The following PCDH15 variants were observed in gnomAD, a reference collection of about 807,000 sequenced individuals.
PCDH15 encodes the protein protocadherin related 15, also known as protocadherin-15.
A neutral mutation model predicts 178.5 loss-of-function variants in PCDH15; 129 were observed. That is an observed-to-expected ratio of 0.72 (90% CI 0.63 to 0.84). The LOEUF is 0.84. Ranked by LOEUF, PCDH15 falls within the 40% of genes least tolerant of loss-of-function variation. The pLI, the probability that PCDH15 is intolerant of heterozygous loss-of-function variation, is 0.00. For synonymous variants in PCDH15, 800 were observed against 732.0 expected (o/e 1.09, Z -1.50); for missense variants, 2,230 against 2,099.9 (o/e 1.06, Z -1.21).
chr10:54,824,227 T>C (rs1417844360), intron 3 of PCDH15, among the ~76,000 whole-genome samples: 2 of 152,236 alleles, frequency 1.3e-5, no homozygotes, highest in African/African-American at 2.4e-5. Flanking sequence ...GATTTAAACA[T>C]GTGTATAATA....
chr10:53,848,487 A>G (rs548323314), intron 28 of PCDH15, among the ~76,000 whole-genome samples: 59 of 152,086 alleles, frequency 3.9e-4, no homozygotes, highest in Non-Finnish European at 6.5e-4. Context: ...AGATTATAAT[A>G]CAAGTTAAGA....
At chr10:55,513,554 G>A (rs1375921791) in intron 2 of PCDH15, among the ~76,000 whole-genome samples, 1 of 151,878 alleles carries the variant, frequency 6.6e-6, no homozygotes, top group Non-Finnish European at 1.5e-5. Flanking sequence ...GGATAATGTT[G>A]GAACAATGTA....
chr10:54,377,275 T>C (rs1253606116), intron 4 of PCDH15, among the ~76,000 whole-genome samples: 1 of 152,134 alleles, frequency 6.6e-6, no homozygotes, highest in African/African-American at 2.4e-5. Flanking sequence ...CATAAGCATA[T>C]ATTATTTTAC....
intron 9 of PCDH15, among the ~76,000 whole-genome samples, chr10:54,235,879 CT>C (rs764984939): frequency 5.1e-4 from 77 of 152,238 alleles, no homozygotes; most frequent in Non-Finnish European, 4.7e-4. Context: ...ATATAAAAGT[CT>C]GAGCTCTGCT....
intron 2 of PCDH15, among the ~76,000 whole-genome samples, chr10:54,561,173 G>C (rs1312503861): frequency 6.6e-6 from 1 of 152,030 alleles, no homozygotes; most frequent in African/African-American, 2.4e-5. Context: ...TGCCTGTTAC[G>C]ACACATCCCC....
chr10:53,985,025 T>A (rs1300526140), intron 21 of PCDH15, among the ~76,000 whole-genome samples: 1 of 152,218 alleles, frequency 6.6e-6, no homozygotes, highest in Admixed American at 6.5e-5. Flanking sequence ...TGGTTAGCCA[T>A]GCGTCCCTGC....
chr10:53,911,355 G>C (rs748347571), intron 25 of PCDH15, among the ~76,000 whole-genome samples: 1 of 152,118 alleles, frequency 6.6e-6, no homozygotes, highest in African/African-American at 2.4e-5. Flanking sequence ...GCTCCTGAAC[G>C]ACTACTGGGT....
intron 18 of PCDH15, among the ~76,000 whole-genome samples, chr10:54,038,543 G>A (rs1442886493): frequency 6.6e-6 from 1 of 151,872 alleles, no homozygotes; most frequent in Non-Finnish European, 1.5e-5. Context: ...CTGAGCTGGG[G>A]TAAAATGTCC....
chr10:54,199,581 A>ATAATAT (rs2050027843), intron 10 of PCDH15, among the ~76,000 whole-genome samples: 1 of 149,014 alleles, frequency 6.7e-6, no homozygotes, highest in Non-Finnish European at 1.5e-5. Flanking sequence ...AATAATAATA[A>ATAATAT]TAATAATAAT....
intron 2 of PCDH15, among the ~76,000 whole-genome samples, chr10:55,061,128 A>G (rs1390953392): frequency 6.6e-6 from 1 of 152,176 alleles, no homozygotes; most frequent in African/African-American, 2.4e-5. Flanking sequence ...TGGCAAAAAA[A>G]TGAAAATATA....
intron 2 of PCDH15, among the ~76,000 whole-genome samples, chr10:55,619,996 T>C (rs916956374): frequency 3.9e-5 from 6 of 152,084 alleles, no homozygotes; most frequent in Non-Finnish European, 8.8e-5. Flanking sequence ...GGAGTACTAT[T>C]CCTTTCTTGC....
At chr10:53,963,197 T>C (rs1440850136) in intron 21 of PCDH15, among the ~76,000 whole-genome samples, 1 of 152,176 alleles carries the variant, frequency 6.6e-6, no homozygotes, top group Non-Finnish European at 1.5e-5. Flanking sequence ...CTCATGTTGG[T>C]TCCTGAATTA....
chr10:55,212,892 T>G (rs1201630575), intron 1 of PCDH15, among the ~76,000 whole-genome samples: 2 of 152,100 alleles, frequency 1.3e-5, no homozygotes, highest in African/African-American at 4.8e-5. Context: ...ATTTTTTTAC[T>G]TTCCACCTTA....
chr10:54,803,931 G>T (rs1440050834), upstream of PCDH15, among the ~76,000 whole-genome samples: 3 of 151,958 alleles, frequency 2.0e-5, no homozygotes, highest in Non-Finnish European at 4.4e-5. Context: ...ATAGAAAAAT[G>T]GATATATAAA....
At chr10:54,097,946 G>A (rs955953132) in intron 15 of PCDH15, among the ~76,000 whole-genome samples, 2 of 152,176 alleles carry the variant, frequency 1.3e-5, no homozygotes, top group South Asian at 2.1e-4. Flanking sequence ...GCTCTGTTCT[G>A]TATATGCACA....
At chr10:54,921,662 C>T (rs1591785088) in intron 2 of PCDH15, among the ~76,000 whole-genome samples, 1 of 152,174 alleles carries the variant, frequency 6.6e-6, no homozygotes, top group South Asian at 2.1e-4. Context: ...AAGACTTGAT[C>T]TCACTCTTTT....
chr10:54,270,021 A>G (rs976065888), intron 8 of PCDH15, among the ~76,000 whole-genome samples: 2 of 152,066 alleles, frequency 1.3e-5, no homozygotes, highest in Non-Finnish European at 2.9e-5. Context: ...GGAAGTATTC[A>G]TTTATCTTTG....
chr10:54,374,892 G>A (rs1171759490), intron 4 of PCDH15, among the ~76,000 whole-genome samples: 2 of 151,884 alleles, frequency 1.3e-5, no homozygotes, highest in African/African-American at 4.8e-5. Flanking sequence ...TGAAGATCAT[G>A]TTTATCAGCT....
At chr10:54,718,992 G>C (rs982567601) in intron 1 of PCDH15, among the ~76,000 whole-genome samples, 1 of 151,880 alleles carries the variant, frequency 6.6e-6, no homozygotes, top group Admixed American at 6.6e-5. Flanking sequence ...ACTGCACCCG[G>C]TCCACACTGA....
Sources: gnomAD v4.1 joint callset for allele counts (sites outside exome capture counted in the v4.1 genomes callset) on GRCh38, gnomAD v4.1.1 for gene constraint, MANE v1.5 for transcripts, NCBI Gene and HGNC (gene_info 2026-07-23, HGNC 2026-07-21) for gene names.